Variants in IQGAP2 observed in about 807,000 individuals in gnomAD.
The protein encoded by IQGAP2 is ras GTPase-activating-like protein IQGAP2.
Under a neutral mutation model 201.3 loss-of-function variants are expected in IQGAP2, and 173 were observed. The ratio of observed to expected loss-of-function variants is 0.86; its 90% CI spans 0.76 to 0.98. The LOEUF is 0.98. Ranked by LOEUF, IQGAP2 falls within the 50% of genes least tolerant of loss-of-function variation. IQGAP2 has a pLI of 0.00. For missense variants in IQGAP2, 1,687 were observed against 1,864.8 expected, an observed-to-expected ratio of 0.90 and a Z score of 1.76; for synonymous variants, 675 against 673.9, an observed-to-expected ratio of 1.00 and a Z score of -0.03.
intron 2 of IQGAP2, among the ~76,000 whole-genome samples, chr5:76,555,268 G>A (rs113428017): frequency 1.4e-4 from 22 of 152,196 alleles, no homozygotes; most frequent in Non-Finnish European, 2.9e-4. Context: ...TGCATTATAC[G>A]TGTTAAGTGT....
At chr5:76,521,066 T>TA (rs1491269813) in intron 2 of IQGAP2, among the ~76,000 whole-genome samples, 4 of 152,232 alleles carry the variant, frequency 2.6e-5, no homozygotes, top group African/African-American at 9.6e-5. Context: ...TTATAGTTTT[T>TA]ATCTCTCTTT....
intron 2 of IQGAP2, among the ~76,000 whole-genome samples, chr5:76,523,266 A>AT (rs1232878811): frequency 6.6e-6 from 1 of 151,470 alleles, no homozygotes; most frequent in East Asian, 1.9e-4. Flanking sequence ...AAAAAAAAAA[A>AT]TTTTGTAAGG....
chr5:76,658,563 G>C lies in IQGAP2; in HGVS notation c.2425G>C (p.Glu809Gln). 1 of 1,614,108 alleles carries C rather than the reference G, an allele frequency of 6.2e-7. No homozygotes were observed. The highest frequency in any genetic ancestry group is 1.3e-5 in the African/African-American group (1 of 75,048). The part of the protein sequence containing the change: ...QEELEVARLR[E>Q]EVVTKIRANQ... The stretch of plus-strand genomic sequence containing the variant: ...GGAACTAGAGGTTGCACGATTAAGG[G>C]AAGAAGTAGTGACCAAGATCAGGGC... Residue 809 changes from glutamate to glutamine, a missense_variant, in exon 21 of 36, where the codon GAA (glutamate) becomes CAA (glutamine). Transcript: ENST00000274364.
intron 10 of IQGAP2, 131 bp from the exon 11 acceptor site, chr5:76,600,681 G>A (rs1747370101): frequency 5.8e-6 from 6 of 1,040,374 alleles, no homozygotes; most frequent in South Asian, 1.6e-5. Flanking sequence ...AGGTGGCCAC[G>A]ACTCCTCTTT....
chr5:76,445,090 G>T (rs1014609463), intron 1 of IQGAP2, among the ~76,000 whole-genome samples: 2 of 152,112 alleles, frequency 1.3e-5, no homozygotes, highest in Non-Finnish European at 2.9e-5. Context: ...CACGGTGAGG[G>T]GTGGGTGGCC....
chr5:76,601,012 G>T (rs757125662), intron 11 of IQGAP2, 40 bp downstream of exon 11: 1 of 1,587,536 alleles, frequency 6.3e-7, no homozygotes, highest in East Asian at 2.3e-5. Flanking sequence ...ATGCAGAAAT[G>T]CATGTTTGGC....
At chr5:76,475,564 T>G (rs1001119379) in intron 2 of IQGAP2, among the ~76,000 whole-genome samples, 1 of 152,122 alleles carries the variant, frequency 6.6e-6, no homozygotes, top group Non-Finnish European at 1.5e-5. Flanking sequence ...TGTTTTTCCT[T>G]CCCCTCCCTG....
chr5:76,686,949 T>C (rs1000496179), intron 30 of IQGAP2, among the ~76,000 whole-genome samples: 2 of 152,254 alleles, frequency 1.3e-5, no homozygotes, highest in African/African-American at 4.8e-5. Flanking sequence ...TTCTGGATTT[T>C]CAATTCTACT....
At chr5:76,458,862 T>C (rs1754256193) in intron 1 of IQGAP2, among the ~76,000 whole-genome samples, 1 of 152,304 alleles carries the variant, frequency 6.6e-6, no homozygotes, top group South Asian at 2.1e-4. Flanking sequence ...CCTTTCCCGA[T>C]AAGATATTTT....
chr5:76,484,572 A>AT (rs533076380), intron 2 of IQGAP2, among the ~76,000 whole-genome samples: 3 of 151,704 alleles, frequency 2.0e-5, no homozygotes, highest in Non-Finnish European at 2.9e-5. Flanking sequence ...TTTAAAAAAA[A>AT]TTTTTTTTTC....
intron 27 of IQGAP2, among the ~76,000 whole-genome samples, chr5:76,675,322 G>C (rs561959165): frequency 6.6e-6 from 1 of 152,062 alleles, no homozygotes; most frequent in Non-Finnish European, 1.5e-5. Context: ...TGTGTATGGG[G>C]GTCCTGGAAC....
intron 2 of IQGAP2, among the ~76,000 whole-genome samples, chr5:76,536,444 G>A (rs1490745333): frequency 6.6e-6 from 1 of 151,914 alleles, no homozygotes; most frequent in Non-Finnish European, 1.5e-5. Context: ...ATTGTGTGCT[G>A]CTTTCTTTTT....
intron 2 of IQGAP2, among the ~76,000 whole-genome samples, chr5:76,477,927 C>T (rs1055125177): frequency 2.0e-5 from 3 of 151,468 alleles, no homozygotes; most frequent in African/African-American, 7.3e-5. Context: ...AGAATAAGGA[C>T]ATAAAGGGAA....
chr5:76,650,629 T>C (rs1342463247), intron 17 of IQGAP2, among the ~76,000 whole-genome samples: 1 of 152,254 alleles, frequency 6.6e-6, no homozygotes, highest in Non-Finnish European at 1.5e-5. Context: ...TTTACTCTTT[T>C]TTTATATATA....
chr5:76,493,353 C>T (rs780167643), intron 2 of IQGAP2, among the ~76,000 whole-genome samples: 98 of 151,758 alleles, frequency 6.5e-4, no homozygotes, highest in Non-Finnish European at 1.3e-3. Flanking sequence ...TGCTGTTCCT[C>T]TCACCCCTAT....
At chr5:76,418,037 T>C (rs933437667) in intron 1 of IQGAP2, among the ~76,000 whole-genome samples, 20 of 151,226 alleles carry the variant, frequency 1.3e-4, no homozygotes, top group African/African-American at 3.9e-4. Context: ...TGAACCCCTG[T>C]CTCTACTAAA....
chr5:76,606,130 G>C, intron 11 of IQGAP2, 49 bp from the exon 12 acceptor site: 1 of 1,510,578 alleles, frequency 6.6e-7, no homozygotes, highest in Non-Finnish European at 9.0e-7. Context: ...CAACAGGAAC[G>C]AAGAATGAAT....
chr5:76,412,343 T>G (rs908978316), intron 1 of IQGAP2, among the ~76,000 whole-genome samples: 21 of 152,216 alleles, frequency 1.4e-4, no homozygotes, highest in Non-Finnish European at 2.6e-4. Context: ...TTGATAATTT[T>G]TATTAAGAGA....
chr5:76,463,816 A>T (rs771597565), intron 2 of IQGAP2, among the ~76,000 whole-genome samples: 1 of 151,822 alleles, frequency 6.6e-6, no homozygotes, highest in Non-Finnish European at 1.5e-5. Flanking sequence ...TGAATCTTTT[A>T]TTAAGACACA....
Sources: gnomAD v4.1 joint callset for allele counts (sites outside exome capture counted in the v4.1 genomes callset) on GRCh38, gnomAD v4.1.1 for gene constraint, MANE v1.5 for transcripts, NCBI Gene and HGNC (gene_info 2026-07-23, HGNC 2026-07-21) for gene names.